Variants in ARHGAP22 observed in about 807,000 individuals in gnomAD.
The protein encoded by ARHGAP22 is Rho GTPase activating protein 22.
A neutral mutation model predicts 59.1 loss-of-function variants in ARHGAP22; 48 were observed. That is an observed-to-expected ratio of 0.81 (90% CI 0.64 to 1.03). The LOEUF is 1.03. Ranked by LOEUF, ARHGAP22 falls within the 50% of genes least tolerant of loss-of-function variation. ARHGAP22 has a pLI of 0.00. For synonymous variants in ARHGAP22, 445 were observed against 416.4 expected (o/e 1.07, Z -0.84); for missense variants, 1,015 against 958.7 (o/e 1.06, Z -0.78).
intron 4 of ARHGAP22, among the ~76,000 whole-genome samples, chr10:48,464,556 G>A (rs370441088): frequency 5.3e-4 from 80 of 152,322 alleles, no homozygotes; most frequent in African/African-American, 1.8e-3. Context: ...GAGCATGGGC[G>A]TCAGAGGGCA....
intron 1 of ARHGAP22, among the ~76,000 whole-genome samples, chr10:48,602,413 A>G (rs2060438484): frequency 6.6e-6 from 1 of 152,214 alleles, no homozygotes. Context: ...AAAGACAGAA[A>G]TTCTAAAAGG....
chr10:48,545,556 G>T (rs2056356339), intron 3 of ARHGAP22, among the ~76,000 whole-genome samples: 1 of 152,196 alleles, frequency 6.6e-6, no homozygotes, highest in South Asian at 2.1e-4. Flanking sequence ...GACTCAGGCT[G>T]GCTGGTACCA....
chr10:48,514,775 G>A (rs11101354), intron 3 of ARHGAP22, among the ~76,000 whole-genome samples: 79,815 of 152,032 alleles, frequency 0.52, 23,847 homozygotes, highest in Middle Eastern at 0.75. Flanking sequence ...TAAAGATATA[G>A]TTAGTATGGC....
At chr10:48,430,940 A>C in the ARHGAP22 span, 1 of 496,866 alleles carries the variant, frequency 2.0e-6, no homozygotes, top group Non-Finnish European at 3.6e-6. Flanking sequence ...CCCCAGCACT[A>C]TCAAACCAAC....
At chr10:48,491,130 T>A (rs1421293949) in intron 3 of ARHGAP22, among the ~76,000 whole-genome samples, 1 of 151,852 alleles carries the variant, frequency 6.6e-6, no homozygotes, top group Non-Finnish European at 1.5e-5. Context: ...CCCCAACCCC[T>A]GCTCAACATC....
At chr10:48,654,464 T>C (rs2062679154), upstream of ARHGAP22, among the ~76,000 whole-genome samples, 5 of 152,314 alleles carry the variant, frequency 3.3e-5, no homozygotes, top group South Asian at 1.0e-3. Flanking sequence ...ACCAATGCAA[T>C]GTGCTGATTG....
chr10:48,651,630 C>T (rs1025422890), intron 1 of ARHGAP22, among the ~76,000 whole-genome samples: 1 of 151,966 alleles, frequency 6.6e-6, no homozygotes, highest in African/African-American at 2.4e-5. Context: ...ATCACCTGCA[C>T]AATCCACCCA....
At chr10:48,449,562 C>T (rs1342556248) in intron 9 of ARHGAP22, among the ~76,000 whole-genome samples, 1 of 152,194 alleles carries the variant, frequency 6.6e-6, no homozygotes, top group Non-Finnish European at 1.5e-5. Context: ...GTGAACAGGT[C>T]GGCCAGCTAA....
At chr10:48,473,515 AAT>A (rs2048415638) in intron 4 of ARHGAP22, among the ~76,000 whole-genome samples, 3 of 152,022 alleles carry the variant, frequency 2.0e-5, no homozygotes, top group Non-Finnish European at 4.4e-5. Context: ...TTAATGAATG[AAT>A]GAGGACTATT....
intron 1 of ARHGAP22, among the ~76,000 whole-genome samples, chr10:48,599,673 G>A (rs995819171): frequency 6.6e-6 from 1 of 152,198 alleles, no homozygotes. Flanking sequence ...CACTGGTGAG[G>A]GCTAACTCCA....
intron 2 of ARHGAP22, among the ~76,000 whole-genome samples, chr10:48,559,777 C>A (rs1441044384): frequency 1.3e-5 from 2 of 151,890 alleles, no homozygotes; most frequent in Admixed American, 1.3e-4. Context: ...TATTGGATAA[C>A]CCAATATGTC....
chr10:48,465,499 C>G (rs947967273), intron 4 of ARHGAP22, among the ~76,000 whole-genome samples: 1 of 152,238 alleles, frequency 6.6e-6, no homozygotes, highest in Admixed American at 6.5e-5. Context: ...ATCGACCACA[C>G]CAGGCACCCA....
chr10:48,446,595 C>T lies in ARHGAP22; in HGVS notation c.1893G>A (p.Leu631=). The T allele has an allele frequency of 6.2e-7, 1 of 1,614,142 alleles. No individual in the cohort carries two copies. Among genetic ancestry groups the T allele is most frequent in the Non-Finnish European group, 8.5e-7 (1 of 1,180,012 alleles). Residue 631 remains leucine (L), a synonymous_variant, in exon 10 of 10, where the codon CTG becomes CTA. Coordinates refer to ENST00000249601, the MANE Select transcript of ARHGAP22 (RefSeq NM_021226.4). ...CTTCTAACCGGGACATTCGTTTTCTCAGGTCAGCACTCCCTTCTTCGATTC... is the reference window on the plus strand; with the variant it reads ...CTTCTAACCGGGACATTCGTTTTCTTAGGTCAGCACTCCCTTCTTCGATTC... ...VKRIEEGSAD[L]RKRMSRLEEE... is the part of the protein sequence containing the mutation.
intron 1 of ARHGAP22, among the ~76,000 whole-genome samples, chr10:48,642,190 C>T (rs1174160072): frequency 3.3e-5 from 5 of 152,268 alleles, no homozygotes; most frequent in Admixed American, 6.5e-5. Context: ...TCAATGCCAT[C>T]CCCATCAAGC....
intron 3 of ARHGAP22, among the ~76,000 whole-genome samples, chr10:48,551,467 G>A (rs1250414580): frequency 1.3e-5 from 2 of 152,188 alleles, no homozygotes; most frequent in Non-Finnish European, 2.9e-5. Flanking sequence ...CCTTGCCTGG[G>A]TAACCATGAA....
intron 3 of ARHGAP22, among the ~76,000 whole-genome samples, chr10:48,517,750 G>C (rs1180195554): frequency 6.6e-6 from 1 of 152,194 alleles, no homozygotes; most frequent in Non-Finnish European, 1.5e-5. Context: ...GGGGTGCCGG[G>C]ACTTCTCGTG....
At chr10:48,577,018 T>C (rs1424691963) in intron 2 of ARHGAP22, among the ~76,000 whole-genome samples, 1 of 152,084 alleles carries the variant, frequency 6.6e-6, no homozygotes, top group African/African-American at 2.4e-5. Context: ...GGGGAGTTTA[T>C]TTCAAGCATT....
chr10:48,639,021 G>A (rs2061936719), intron 1 of ARHGAP22, among the ~76,000 whole-genome samples: 1 of 152,218 alleles, frequency 6.6e-6, no homozygotes, highest in African/African-American at 2.4e-5. Flanking sequence ...AAGTAGTTAT[G>A]CTTGAAAAAC....
At chr10:48,626,239 C>A (rs1483237311) in intron 1 of ARHGAP22, among the ~76,000 whole-genome samples, 2 of 152,142 alleles carry the variant, frequency 1.3e-5, no homozygotes, top group Non-Finnish European at 2.9e-5. Context: ...TTGTCTTTTT[C>A]TTGTCCTGAT....
Sources: allele counts gnomAD v4.1 joint callset (sites outside exome capture counted in the v4.1 genomes callset), GRCh38; gene constraint gnomAD v4.1.1; transcripts MANE v1.5; gene names NCBI Gene and HGNC (gene_info 2026-07-23, HGNC 2026-07-21).